Variants in CLCA4 observed in about 807,000 individuals in gnomAD.
CLCA4 encodes chloride channel accessory 4, also known as calcium-activated chloride channel regulator 4.
A neutral mutation model predicts 78.9 loss-of-function variants in CLCA4; 69 were observed. The observed-to-expected ratio is 0.87, with a 90% confidence interval of 0.72 to 1.07. The LOEUF (loss-of-function observed/expected upper bound fraction) is 1.07. CLCA4 is among the 50% of genes least tolerant of loss of function. The probability of loss-of-function intolerance (pLI) is 0.00; values close to 1 mark genes in which losing one functional copy is unlikely to be tolerated. For missense variants in CLCA4, 1,133 were observed against 1,095.8 expected (o/e 1.03, Z -0.48); for synonymous variants, 362 against 375.8 (o/e 0.96, Z 0.42).
chr1:86,549,077 G>T lies in CLCA4; in HGVS notation c.159+1799G>T, dbSNP rs147964386. Among the ~76,000 whole-genome samples the T allele has an allele frequency of 2.4e-3, 371 of 152,244 alleles. 1 individual carries two copies. The highest frequency in any genetic ancestry group is 8.7e-3 in the African/African-American group (362 of 41,538). The stretch of plus-strand genomic sequence containing the variant: ...TCAGAGATATAGTTAATAAGTAAAT[G>T]GATCACAGGTCAGATGGTGGTAGTA... On this transcript the variant is annotated intron_variant, in intron 1 of 13. Transcript: ENST00000370563.
intron 1 of CLCA4, among the ~76,000 whole-genome samples, chr1:86,554,679 G>T (rs543151185): frequency 2.4e-4 from 36 of 152,110 alleles, no homozygotes; most frequent in African/African-American, 8.7e-4. Context: ...TGTCTTTCTG[G>T]TGGAATGATT....
At chr1:86,563,886 TTA>T in intron 4 of CLCA4, 117 bp downstream of exon 4, 1 of 517,098 alleles carries the variant, frequency 1.9e-6, no homozygotes, top group Non-Finnish European at 3.4e-6. Flanking sequence ...AACAATGCTT[TTA>T]TTTTTTTTTA....
chr1:86,560,063 C>A lies in CLCA4; in HGVS notation c.291C>A (p.Asn97Lys). 2 of 1,589,498 alleles carry A rather than the reference C, an allele frequency of 1.3e-6. No homozygotes were observed. The highest frequency in any genetic ancestry group is 1.7e-6 in the Non-Finnish European group (2 of 1,172,918). Residue 97 changes from asparagine to lysine, a missense_variant, in exon 2 of 14, where the codon AAC becomes AAA. By Grantham distance (94) the Asn-to-Lys change is moderately conservative. Transcript: ENST00000370563. Reference sequence around the variant, plus strand: ...AGTACAAAAGGCCAAAACATGAAAACCATAAACATGTAAGTGTCGAAATAT... The same window carrying A: ...AGTACAAAAGGCCAAAACATGAAAAACATAAACATGTAAGTGTCGAAATAT... ...NPQYKRPKHE[N>K]HKHADVIVAP...
intron 6 of CLCA4, among the ~76,000 whole-genome samples, chr1:86,566,501 G>A (rs1288445813): frequency 6.6e-6 from 1 of 152,072 alleles, no homozygotes; most frequent in Non-Finnish European, 1.5e-5. Flanking sequence ...GGTGCAATGT[G>A]ATAAGAAACC....
chr1:86,567,301 TAAC>T lies in CLCA4; in HGVS notation c.955-118_955-116del, dbSNP rs891448175. The T allele has an allele frequency of 1.3e-4, 110 of 854,012 alleles. No individual in the cohort carries two copies. In the East Asian group the frequency reaches 2.6e-3, roughly 20 times the overall value. The allele number at this position is 854,012 out of a possible 1,614,324, so 52.9% of individuals were successfully genotyped here. ...TTAAAAATTTGATAATTGCTTCCTT[TAAC>T]AACATCAATTACCATTCATAGAAAA... On this transcript the variant is annotated intron_variant, in intron 6 of 13. Transcript: ENST00000370563.
chr1:86,574,509 C>A, intron 9 of CLCA4, 31 bp from the exon 10 acceptor site: 1 of 1,500,608 alleles, frequency 6.7e-7, no homozygotes, highest in Non-Finnish European at 9.3e-7. Flanking sequence ...CTGTCTTCTG[C>A]AGTCATTAAT....
intron 9 of CLCA4, 127 bp downstream of exon 9, chr1:86,572,847 T>C (rs1650396600): frequency 5.8e-6 from 4 of 692,222 alleles, no homozygotes; most frequent in Non-Finnish European, 7.9e-6. Flanking sequence ...TAAACTTTAA[T>C]CTTAAATAGA....
chr1:86,579,624 A>C lies in CLCA4; in HGVS notation c.2356+37A>C, dbSNP rs761080168. 4 of 1,549,288 alleles carry C rather than the reference A, an allele frequency of 2.6e-6. No homozygotes were observed. In the South Asian group the frequency reaches 4.5e-5, roughly 17 times the overall value. On this transcript the variant is annotated intron_variant, in intron 13 of 13. Transcript: ENST00000370563. ...GTGTCATGTGATTTTGACTTAAGTAAAAGGTGCTAATTGCAAAAACAGGGG... is the reference window on the plus strand; with the variant it reads ...GTGTCATGTGATTTTGACTTAAGTACAAGGTGCTAATTGCAAAAACAGGGG...
intron 12 of CLCA4, 130 bp from the exon 13 acceptor site, chr1:86,579,224 A>T: frequency 4.2e-6 from 3 of 712,628 alleles, no homozygotes; most frequent in Non-Finnish European, 7.1e-6. Flanking sequence ...TATGATTGTC[A>T]CAAAACTTAG....
intron 8 of CLCA4, 188 bp downstream of exon 8, chr1:86,571,442 C>A: frequency 2.0e-6 from 1 of 511,186 alleles, no homozygotes; most frequent in Non-Finnish European, 3.5e-6. Flanking sequence ...GATGAAATAA[C>A]ATAATCAGAT....
chr1:86,575,597 C>A lies in CLCA4; in HGVS notation c.1949C>A (p.Ala650Glu), dbSNP rs748579107. 1 of 1,610,782 alleles carries A rather than the reference C, an allele frequency of 6.2e-7. No individual in the cohort carries two copies. Among genetic ancestry groups the A allele is most frequent in the East Asian group, 2.2e-5 (1 of 44,814 alleles). Residue 650 changes from alanine to glutamate, a missense_variant and splice_region_variant, in exon 11 of 14, where the codon GCA becomes GAA. Ala to Glu is a moderately radical substitution (Grantham distance 107). Transcript: ENST00000370563. ...TEVLELLDNG[A>E]GADSFKNDGV... is the part of the protein sequence containing the mutation. Reference sequence around the variant, plus strand: ...GTTTTGGAACTTTTGGATAATGGTGCAGGTAATTCACAGGTTTTTATGAAT... The same window carrying A: ...GTTTTGGAACTTTTGGATAATGGTGAAGGTAATTCACAGGTTTTTATGAAT...
intron 4 of CLCA4, 44 bp from the exon 5 acceptor site, chr1:86,565,230 T>C: frequency 7.2e-7 from 1 of 1,386,918 alleles, no homozygotes; most frequent in Admixed American, 2.2e-5. Context: ...CTGTAAGTGC[T>C]AATGATTCAG....
chr1:86,568,761 A>T (rs1650270407), intron 7 of CLCA4, among the ~76,000 whole-genome samples: 1 of 151,922 alleles, frequency 6.6e-6, no homozygotes, highest in African/African-American at 2.4e-5. Context: ...CTTTTCTCCC[A>T]ACTCTGCATG....
intron 9 of CLCA4, among the ~76,000 whole-genome samples, chr1:86,573,260 T>A (rs1170934436): frequency 6.6e-6 from 1 of 151,938 alleles, no homozygotes; most frequent in Non-Finnish European, 1.5e-5. Context: ...GCTTTTTTTT[T>A]ATTCACCTGT....
chr1:86,580,401 A>G lies in CLCA4; in HGVS notation c.*56A>G, dbSNP rs952271931. The G allele has an allele frequency of 7.1e-5, 94 of 1,319,140 alleles. 1 individual carries two copies. In the African/African-American group the frequency reaches 1.2e-3, roughly 17 times the overall value. The allele number at this position is 1,319,140 out of a possible 1,614,324, so 81.7% of individuals were successfully genotyped here. On this transcript the variant is annotated 3_prime_UTR_variant, in exon 14 of 14. Transcript: ENST00000370563. ...ACCTAGAAGAGAGTTTTAAAAAACA[A>G]AACAATGTAAGTAAAGGATATTTCT...
intron 1 of CLCA4, among the ~76,000 whole-genome samples, chr1:86,555,987 G>A (rs546864367): frequency 2.6e-5 from 4 of 152,180 alleles, no homozygotes; most frequent in East Asian, 1.9e-4. Flanking sequence ...TTGCCTATTC[G>A]ATTCAGCTCT....
chr1:86,553,104 G>C, intron 1 of CLCA4: 1 of 743,780 alleles, frequency 1.3e-6, no homozygotes. Context: ...CCTGGGGTGT[G>C]CGCCGTATCC....
At chr1:86,558,949 C>A (rs369865531) in intron 1 of CLCA4, among the ~76,000 whole-genome samples, 1 of 152,080 alleles carries the variant, frequency 6.6e-6, no homozygotes. Flanking sequence ...AGGTGATCTG[C>A]CCTTTCCTCT....
intron 1 of CLCA4, among the ~76,000 whole-genome samples, chr1:86,557,058 A>C (rs912762561): frequency 6.6e-6 from 1 of 151,896 alleles, no homozygotes; most frequent in Non-Finnish European, 1.5e-5. Context: ...CATTATTTCC[A>C]ATCCTGTTTA....
Sources: allele counts gnomAD v4.1 joint callset (sites outside exome capture counted in the v4.1 genomes callset), GRCh38; gene constraint gnomAD v4.1.1; transcripts MANE v1.5; gene names NCBI Gene and HGNC (gene_info 2026-07-23, HGNC 2026-07-21).